Variants in MUC6 observed in about 807,000 individuals in gnomAD.
The protein encoded by MUC6 is mucin-6.
Under a neutral mutation model 201.5 loss-of-function variants are expected in MUC6, and 188 were observed. That is an observed-to-expected ratio of 0.93 (90% CI 0.83 to 1.05). The LOEUF (loss-of-function observed/expected upper bound fraction) is 1.05, where lower values mean the gene tolerates loss of function less well. Among genes scored for constraint, MUC6 ranks in the 50% least tolerant of loss-of-function variants. MUC6 has a pLI of 0.00. For synonymous variants in MUC6, 1,228 were observed against 1,389.4 expected (o/e 0.88, Z 2.58); for missense variants, 2,706 against 3,256.9 (o/e 0.83, Z 4.12).
chr11:1,032,939 C>A, intron 2 of MUC6, 74 bp downstream of exon 2: 1 of 1,389,434 alleles, frequency 7.2e-7, no homozygotes, highest in Non-Finnish European at 9.8e-7. Context: ...GTGACCTGGG[C>A]TCCGGGCCCC....
At chr11:1,021,070 C>T (rs1276595764) in intron 27 of MUC6, 145 bp downstream of exon 27, 1 of 843,576 alleles carries the variant, frequency 1.2e-6, no homozygotes, top group Non-Finnish European at 1.8e-6. Flanking sequence ...ACCCAAGGGG[C>T]CAGGGTCCTG....
chr11:1,019,477 C>T lies in MUC6; in HGVS notation c.3828G>A (p.Thr1276=), dbSNP rs367910509. 1.4e-5 allele frequency: 22 copies of T among 1,613,482 alleles called. No homozygotes were observed. Among genetic ancestry groups the T allele is most frequent in the African/African-American group, 6.7e-5 (5 of 74,824 alleles). ...CTGATGTGGCTTGTGGGGTGACGGC[C>T]GTGGTTGGTCTAGGTGGTTCTGCAG... ...ASSGEPPRPT[T]AVTPQATSGL... The change falls in exon 30 of 33, where the codon ACG becomes ACA. Residue 1276 remains threonine (T), a synonymous_variant. Transcript: ENST00000421673.
chr11:1,013,773 A>T, intron 32 of MUC6, 126 bp downstream of exon 32: 1 of 1,386,796 alleles, frequency 7.2e-7, no homozygotes, highest in Non-Finnish European at 9.9e-7. Context: ...GGTGTTGGGC[A>T]GATGGAGCGC....
chr11:1,016,196 G>A lies in MUC6; in HGVS notation c.6605C>T (p.Pro2202Leu). The A allele has an allele frequency of 6.2e-7, 1 of 1,613,262 alleles. No homozygotes were observed. The highest frequency in any genetic ancestry group is 1.3e-5 in the African/African-American group (1 of 74,954). ...GGCCCTAATGGTAGTAGAGGCAGCT[G>A]GAGAAGAAGGAAAAAGAGGAGATGC... is the stretch of plus-strand genomic sequence containing the variant. ...VSASPLFPSS[P>L]AASTTIRATL... is the part of the protein sequence containing the mutation. Residue 2202 changes from proline to leucine, a missense_variant, in exon 31 of 33, where the codon CCA (proline) becomes CTA (leucine). This residue lies in a region of MUC6 where 586 missense variants were observed against 488.0 expected (regional missense o/e 1.20). Transcript: ENST00000421673.
chr11:1,025,899 T>C lies in MUC6; in HGVS notation c.2705A>G (p.Asn902Ser), dbSNP rs1286908229. The change falls in exon 22 of 33, where the codon AAC becomes AGC. Residue 902 changes from asparagine to serine, a missense_variant. Asn to Ser is a conservative substitution (Grantham distance 46, BLOSUM62 1). Transcript: ENST00000421673. ...YILATDVCGVNDSQPTFKILT... is the reference protein window; with the variant it reads ...YILATDVCGVSDSQPTFKILT... ...GATCTTGAAGGTGGGCTGTGAGTCG[T>C]TGACACCACAGACGTCCTGCAGGGA... The C allele has an allele frequency of 5.6e-6, 9 of 1,611,562 alleles. No individual in the cohort carries two copies. Among genetic ancestry groups the C allele is most frequent in the Admixed American group, 3.3e-5 (2 of 59,820 alleles).
intron 13 of MUC6, 98 bp from the exon 14 acceptor site, chr11:1,028,485 C>A: frequency 1.3e-6 from 2 of 1,547,384 alleles, no homozygotes; most frequent in Non-Finnish European, 1.7e-6. Flanking sequence ...TAACAGCACC[C>A]TGGGTGAGAG....
rs200010311 is a variant in MUC6, at chr11:1,033,085, C to T, written c.53-10G>A. ...GAGGTGTTAGCCAGACCTGTGTGGA[C>T]GGGACCCGCAGTCGGTGTGGGGCTA... is the stretch of plus-strand genomic sequence containing the variant. On this transcript the variant is annotated splice_polypyrimidine_tract_variant and intron_variant, in intron 1 of 32. Transcript: ENST00000421673. This position sits in a 1 kb window ranked among gnomAD's most constrained non-coding sequence, Gnocchi z 5.6. The T allele has an allele frequency of 2.2e-4, 359 of 1,613,104 alleles. No individual in the cohort carries two copies. Among genetic ancestry groups the T allele is most frequent in the African/African-American group, 2.2e-3 (166 of 74,946 alleles).
At chr11:1,023,340 GTGAA>G (rs1369262881) in intron 26 of MUC6, among the ~76,000 whole-genome samples, 165 bp downstream of exon 26, 3 of 150,708 alleles carry the variant, frequency 2.0e-5, no homozygotes, top group Admixed American at 6.6e-5. Flanking sequence ...ATGAATGAAT[GTGAA>G]TGTGCGTGAG....
chr11:1,013,717 A>G, intron 32 of MUC6, 84 bp from the exon 33 acceptor site: 11 of 1,462,006 alleles, frequency 7.5e-6, no homozygotes, highest in Non-Finnish European at 9.3e-6. Context: ...TGCTCCGCAG[A>G]GGCCTGGACC....
chr11:1,020,553 G>A, intron 28 of MUC6, 131 bp downstream of exon 28: 1 of 1,365,396 alleles, frequency 7.3e-7, no homozygotes, highest in South Asian at 1.2e-5. Flanking sequence ...TGATTGCCAG[G>A]TTAGACCTGA....
Position 1,027,960 on chromosome 11 carries a change from C to T in MUC6, c.1848+5G>A. ...AGCCCTCCCAAGACGCCCTCGGGCC[C>T]TCACCTTGTAGAAGGGTGCAGGGTT... On this transcript the variant is annotated splice_donor_5th_base_variant and intron_variant, in intron 15 of 32. Coordinates refer to ENST00000421673, the MANE Select transcript of MUC6 (RefSeq NM_005961.3). 1.9e-6 allele frequency: 3 copies of T among 1,569,978 alleles called. No individual in the cohort carries two copies. The highest frequency in any genetic ancestry group is 2.6e-6 in the Non-Finnish European group (3 of 1,157,904).
rs375475582 is a variant in MUC6, at chr11:1,016,332, G to A, written c.6469C>T (p.Pro2157Ser). 4.3e-5 allele frequency: 70 copies of A among 1,611,534 alleles called. No homozygotes were observed. The highest frequency in any genetic ancestry group is 3.3e-4 in the Middle Eastern group (2 of 6,058). Residue 2157 changes from proline (P) to serine (S), a missense_variant, in exon 31 of 33, where the codon CCT becomes TCT. Physicochemically the swap from Pro to Ser is moderately conservative, Grantham distance 74. Coordinates refer to ENST00000421673, the MANE Select transcript of MUC6 (RefSeq NM_005961.3). ...AAAGAGGAAGATGTGCCAACAGAAGGCGATGAAGTCTGGGGAGAGGAGTGG... is the reference window on the plus strand; with the variant it reads ...AAAGAGGAAGATGTGCCAACAGAAGACGATGAAGTCTGGGGAGAGGAGTGG... ...SSHSSPQTSS[P>S]SVGTSSSFVS...
At chr11:1,018,834 C>T in intron 30 of MUC6, 64 bp from the exon 31 acceptor site, 5 of 1,513,382 alleles carry the variant, frequency 3.3e-6, no homozygotes, top group Non-Finnish European at 4.4e-6. Flanking sequence ...CCTCCGCTGG[C>T]CCGTCCTTTT....
chr11:1,032,877 A>G, intron 2 of MUC6, 136 bp downstream of exon 2: 1 of 673,412 alleles, frequency 1.5e-6, no homozygotes, highest in Non-Finnish European at 2.5e-6. Flanking sequence ...GTGTATGTGC[A>G]TGTGTGTTCA....
At chr11:1,027,605 C>T (rs1325830124) in intron 16 of MUC6, 80 bp downstream of exon 16, 43 of 1,587,732 alleles carry the variant, frequency 2.7e-5, no homozygotes, top group Non-Finnish European at 1.1e-5. Context: ...CACTGCAGAG[C>T]CTCAGAGCTT....
At chr11:1,020,292 T>C (rs1167361248) in intron 28 of MUC6, 35 bp from the exon 29 acceptor site, 1 of 1,574,414 alleles carries the variant, frequency 6.4e-7, no homozygotes. Context: ...GGCTGCAGGG[T>C]ACCGGCATAT....
chr11:1,028,549 G>T, intron 13 of MUC6, 97 bp downstream of exon 13: 1 of 1,547,460 alleles, frequency 6.5e-7, no homozygotes. Context: ...GACACAGAGG[G>T]TTGTGTGAAC....
In MUC6 at chr11:1,026,005, C is replaced by A. The variant is rs1191821722; in HGVS notation, c.2683G>T (p.Ala895Ser). ...VFDGNCEYIL[A>S]TDVCGVNDSQ... ...GCCTGGCACCCGATGGTTACCGTGG[C>A]CAGGATGTACTCGCAGTTGCCGTCG... The change falls in exon 21 of 33, where the codon GCC (alanine) becomes TCC (serine). Residue 895 changes from alanine to serine, a missense_variant. Transcript: ENST00000421673. The A allele has an allele frequency of 6.3e-7, 1 of 1,587,376 alleles. No individual in the cohort carries two copies. The highest frequency in any genetic ancestry group is 8.6e-7 in the Non-Finnish European group (1 of 1,167,374).
rs1006868377 is a variant in MUC6 at position 1,031,676 on chromosome 11, G to T, written c.414C>A (p.Ser138Arg). 2 of 1,550,740 alleles carry T rather than the reference G, an allele frequency of 1.3e-6. No homozygotes were observed. The highest frequency in any genetic ancestry group is 2.4e-5 in the East Asian group (1 of 40,924). Residue 138 changes from serine to arginine, a missense_variant, in exon 4 of 33, where the codon AGC becomes AGA. Ser to Arg is a moderately radical substitution (Grantham distance 110). Coordinates refer to ENST00000421673, the MANE Select transcript of MUC6 (RefSeq NM_005961.3). Reference protein sequence around the residue: ...NGLQITPFGQSVRLVAKQLEL... With the variant: ...NGLQITPFGQRVRLVAKQLEL... Reference sequence around the variant, plus strand: ...CCAGCTGCTTGGCCACCAGCCGCACGCTCTGGCCGAAGGGTGTGATCTGGA... The same window carrying T: ...CCAGCTGCTTGGCCACCAGCCGCACTCTCTGGCCGAAGGGTGTGATCTGGA...
Sources: allele counts gnomAD v4.1 joint callset (sites outside exome capture counted in the v4.1 genomes callset), GRCh38; gene constraint gnomAD v4.1.1; regional missense constraint gnomAD v4.1.1; non-coding constraint Gnocchi (gnomAD v3.1); transcripts MANE v1.5; gene names NCBI Gene and HGNC (gene_info 2026-07-23, HGNC 2026-07-21).